Variants in ANKRD30B observed in about 807,000 individuals in gnomAD.
ANKRD30B encodes the protein ankyrin repeat domain-containing protein 30B.
Under a neutral mutation model 202.2 loss-of-function variants are expected in ANKRD30B, and 144 were observed. The observed-to-expected ratio is 0.71, with a 90% CI of 0.62 to 0.82. The LOEUF (loss-of-function observed/expected upper bound fraction) is 0.82, where lower values mean the gene tolerates loss of function less well. Ranked by LOEUF, ANKRD30B falls within the 40% of genes least tolerant of loss-of-function variation. The probability of loss-of-function intolerance (pLI) is 0.00; values close to 1 mark genes in which losing one functional copy is unlikely to be tolerated. For missense variants in ANKRD30B, 1,487 were observed against 1,669.1 expected, an observed-to-expected ratio of 0.89 and a Z score of 1.90; for synonymous variants, 508 against 561.3, an observed-to-expected ratio of 0.91 and a Z score of 1.34.
At chr18:14,794,508 T>A (rs1333855225) in intron 16 of ANKRD30B, among the ~76,000 whole-genome samples, 4 of 152,174 alleles carry the variant, frequency 2.6e-5, no homozygotes, top group South Asian at 2.1e-4. Flanking sequence ...ACATTTATCA[T>A]ATTTTTACCT....
intron 8 of ANKRD30B, among the ~76,000 whole-genome samples, chr18:14,771,777 T>A (rs1460334932): frequency 2.0e-5 from 3 of 152,194 alleles, no homozygotes; most frequent in Admixed American, 2.0e-4. Context: ...TTTGTTCCAG[T>A]TTATATATCA....
chr18:14,883,093 G>A, the ANKRD30B span, among the ~76,000 whole-genome samples: 14 of 152,110 alleles, frequency 9.2e-5, no homozygotes, highest in African/African-American at 3.1e-4. Flanking sequence ...GGGCAGGAAG[G>A]GCTGGGAGGG....
the ANKRD30B span, among the ~76,000 whole-genome samples, chr18:14,901,590 A>G: frequency 6.7e-6 from 1 of 148,790 alleles, no homozygotes; most frequent in African/African-American, 2.5e-5. Flanking sequence ...TAAGCTATTT[A>G]CAGCTTACAG....
At chr18:14,848,972 C>T (rs1329751786) in intron 40 of ANKRD30B, 43 bp downstream of exon 40, 1 of 1,436,046 alleles carries the variant, frequency 7.0e-7, no homozygotes, top group African/African-American at 1.5e-5. Flanking sequence ...ACTATTTATA[C>T]TAAAAGTATG....
At chr18:14,870,718 T>C in the ANKRD30B span, among the ~76,000 whole-genome samples, 1 of 152,134 alleles carries the variant, frequency 6.6e-6, no homozygotes, top group Non-Finnish European at 1.5e-5. Context: ...TCCTGGGCCC[T>C]GGCTCCATGA....
At chr18:14,782,401 G>A in intron 11 of ANKRD30B, 126 bp from the exon 12 acceptor site, 1 of 668,870 alleles carries the variant, frequency 1.5e-6, no homozygotes. Flanking sequence ...TTTTCAATAT[G>A]TGCCTATCCT....
chr18:14,896,256 C>T, the ANKRD30B span, among the ~76,000 whole-genome samples: 22 of 151,846 alleles, frequency 1.4e-4, no homozygotes, highest in African/African-American at 3.6e-4. Flanking sequence ...CTCAGCCTCC[C>T]GAATAGCTGG....
At chr18:14,815,476 G>T (rs889360740) in intron 30 of ANKRD30B, among the ~76,000 whole-genome samples, 12 of 152,266 alleles carry the variant, frequency 7.9e-5, no homozygotes, top group African/African-American at 2.9e-4. Flanking sequence ...AGCAAGAGGA[G>T]AGGCCTTTCA....
intron 24 of ANKRD30B, 84 bp downstream of exon 24, chr18:14,803,908 G>T (rs1969348023): frequency 8.4e-7 from 1 of 1,192,846 alleles, no homozygotes; most frequent in African/African-American, 1.8e-5. Context: ...AATAGCTGAA[G>T]AAAATTACCT....
At chr18:14,806,914 C>A (rs1435481692) in intron 24 of ANKRD30B, among the ~76,000 whole-genome samples, 2 of 150,872 alleles carry the variant, frequency 1.3e-5, no homozygotes, top group African/African-American at 4.9e-5. Context: ...TTCTTCAGTG[C>A]TTCAGAAGTA....
intron 30 of ANKRD30B, among the ~76,000 whole-genome samples, chr18:14,819,171 T>A (rs1409021091): frequency 1.2e-4 from 18 of 148,478 alleles, no homozygotes; most frequent in African/African-American, 1.5e-4. Context: ...TTTTGAGAAG[T>A]GTCTGTTCAT....
intron 34 of ANKRD30B, among the ~76,000 whole-genome samples, chr18:14,835,592 C>T (rs557008005): frequency 6.6e-6 from 1 of 151,644 alleles, no homozygotes; most frequent in South Asian, 2.1e-4. Context: ...CTGAATTCTG[C>T]TTGACAATCA....
At chr18:14,796,669 T>C (rs1968919010) in intron 18 of ANKRD30B, among the ~76,000 whole-genome samples, 1 of 152,144 alleles carries the variant, frequency 6.6e-6, no homozygotes, top group Non-Finnish European at 1.5e-5. Context: ...GGGCCTTGTC[T>C]TTGTTCCCAG....
chr18:14,890,798 A>T, the ANKRD30B span, among the ~76,000 whole-genome samples: 1 of 150,092 alleles, frequency 6.7e-6, no homozygotes, highest in African/African-American at 2.4e-5. Flanking sequence ...GTATTTTGAT[A>T]CATGAAAAGA....
intron 20 of ANKRD30B, among the ~76,000 whole-genome samples, chr18:14,798,713 T>C (rs898014755): frequency 2.0e-5 from 3 of 152,136 alleles, no homozygotes; most frequent in African/African-American, 7.2e-5. Context: ...TATGAACATA[T>C]GCCTTTCTGG....
chr18:14,828,167 CA>C, intron 32 of ANKRD30B, 110 bp from the exon 33 acceptor site: 1 of 779,574 alleles, frequency 1.3e-6, no homozygotes, highest in Non-Finnish European at 2.1e-6. Flanking sequence ...CTCACCTTCC[CA>C]AGTAGCTGGG....
In ANKRD30B at chr18:14,797,762, G is replaced by A. The variant is rs759926542; in HGVS notation, c.1957-20G>A. The A allele has an allele frequency of 3.2e-6, 5 of 1,582,436 alleles. No individual in the cohort carries two copies. The highest frequency in any genetic ancestry group is 3.4e-6 in the Non-Finnish European group (4 of 1,163,114). On this transcript the variant is annotated intron_variant, in intron 19 of 43. Coordinates refer to ENST00000690538, the MANE Select transcript of ANKRD30B (RefSeq NM_001367607.2). ...AAGTGTACATTATATATTAATTTTTGTGTTTCCGAACCCATTTAGCCTACC... is the reference window on the plus strand; with the variant it reads ...AAGTGTACATTATATATTAATTTTTATGTTTCCGAACCCATTTAGCCTACC...
Position 14,854,345 on chromosome 18 carries a change from C to T in ANKRD30B, c.*187C>T, listed in dbSNP as rs937276225. ...TGATAAAAGTCATATAACAATGGTA[C>T]CCTAAACCACCCACCTCACAGCATA... is the stretch of plus-strand genomic sequence containing the variant. On this transcript the variant is annotated 3_prime_UTR_variant, in exon 44 of 44. Coordinates refer to ENST00000690538, the MANE Select transcript of ANKRD30B (RefSeq NM_001367607.2). 1.3e-5 allele frequency among the ~76,000 whole-genome samples: 2 copies of T among 152,116 alleles called. No individual in the cohort carries two copies. Among genetic ancestry groups the T allele is most frequent in the African/African-American group, 4.8e-5 (2 of 41,408 alleles).
rs1367022432 is a variant in ANKRD30B at position 14,806,144 on chromosome 18, C to T, written c.2284+2320C>T. 4.0e-5 allele frequency among the ~76,000 whole-genome samples: 6 copies of T among 148,522 alleles called. 1 individual carries two copies. Among genetic ancestry groups the T allele is most frequent in the Non-Finnish European group, 7.4e-5 (5 of 67,324 alleles). On this transcript the variant is annotated intron_variant, in intron 24 of 43. Transcript: ENST00000690538. ...TTGAGGCAGGAGAATGGCCTGAACC[C>T]GGGAGGTGGAGCTTACAGTCAGCCC...
Sources: allele counts gnomAD v4.1 joint callset (sites outside exome capture counted in the v4.1 genomes callset), GRCh38; gene constraint gnomAD v4.1.1; transcripts MANE v1.5; gene names NCBI Gene and HGNC (gene_info 2026-07-23, HGNC 2026-07-21).